PIK3C2G: variants seen among roughly 807,000 people sequenced by gnomAD.
PIK3C2G encodes phosphatidylinositol-4-phosphate 3-kinase catalytic subunit type 2 gamma, also known as phosphatidylinositol 3-kinase C2 domain-containing subunit gamma.
A neutral mutation model predicts 181.1 loss-of-function variants in PIK3C2G; 168 were observed. The ratio of observed to expected loss-of-function variants is 0.93; its 90% CI spans 0.82 to 1.05. The LOEUF (loss-of-function observed/expected upper bound fraction) is 1.05, where lower values mean the gene tolerates loss of function less well. Among genes scored for constraint, PIK3C2G ranks in the 50% least tolerant of loss-of-function variants. PIK3C2G has a pLI of 0.00. For missense variants in PIK3C2G, 1,869 were observed against 1,732.8 expected (o/e 1.08, Z -1.40); for synonymous variants, 573 against 592.2 (o/e 0.97, Z 0.47).
At chr12:18,696,386 AT>A in the PIK3C2G span, 2 of 226,662 alleles carry the variant, frequency 8.8e-6, no homozygotes, top group Non-Finnish European at 1.5e-5. Context: ...CAATTTTGAT[AT>A]GTATTGTCTT....
intron 32 of PIK3C2G, among the ~76,000 whole-genome samples, chr12:18,642,164 A>C (rs1949876411): frequency 6.6e-6 from 1 of 152,210 alleles, no homozygotes; most frequent in Non-Finnish European, 1.5e-5. Flanking sequence ...TTTGGGGTCG[A>C]AACTAAGAAA....
intron 22 of PIK3C2G, among the ~76,000 whole-genome samples, chr12:18,499,834 C>T (rs1404708061): frequency 6.6e-6 from 1 of 152,272 alleles, no homozygotes; most frequent in African/African-American, 2.4e-5. Context: ...CACAGACCCA[C>T]AGCACTGACA....
intron 1 of PIK3C2G, among the ~76,000 whole-genome samples, chr12:18,280,431 C>A (rs1362380318): frequency 1.3e-5 from 2 of 151,928 alleles, no homozygotes; most frequent in African/African-American, 4.8e-5. Flanking sequence ...TCAATTAAAT[C>A]CTGAATGATG....
intron 31 of PIK3C2G, among the ~76,000 whole-genome samples, chr12:18,630,535 A>G (rs1203442802): frequency 6.6e-6 from 1 of 152,042 alleles, no homozygotes; most frequent in Non-Finnish European, 1.5e-5. Flanking sequence ...GGGTTAGGGT[A>G]GTAGGGTAGT....
chr12:18,461,154 C>A (rs1947901273), intron 18 of PIK3C2G, among the ~76,000 whole-genome samples: 1 of 152,058 alleles, frequency 6.6e-6, no homozygotes, highest in Admixed American at 6.6e-5. Context: ...ATATACCTCA[C>A]TTTATTTAAA....
At position 18,363,036 on chromosome 12, in the gene PIK3C2G, A is replaced by G. The variant is rs188861471; in HGVS notation, c.1748+150A>G. On this transcript the variant is annotated intron_variant, in intron 12 of 32. Coordinates refer to ENST00000538779, the MANE Select transcript of PIK3C2G (RefSeq NM_001288772.2). Reference sequence around the variant, plus strand: ...ATGATAAGTACACTAGGGCTAATAGATAACTGATTGTTCAATTCAACAGAT... The same window carrying G: ...ATGATAAGTACACTAGGGCTAATAGGTAACTGATTGTTCAATTCAACAGAT... 2.3e-3 allele frequency: 1,233 copies of G among 536,864 alleles called. 3 individuals are homozygous for G. Among genetic ancestry groups the G allele is most frequent in the Non-Finnish European group, 3.2e-3 (998 of 316,444 alleles). The allele number at this position is 536,864 out of a possible 1,614,324, so 33.3% of individuals were successfully genotyped here.
intron 5 of PIK3C2G, among the ~76,000 whole-genome samples, chr12:18,309,752 T>C (rs539526548): frequency 1.3e-5 from 2 of 151,968 alleles, no homozygotes; most frequent in East Asian, 3.9e-4. Flanking sequence ...GACACTGATT[T>C]TTATTTCCTA....
At chr12:18,612,829 A>G (rs962313925) in intron 31 of PIK3C2G, among the ~76,000 whole-genome samples, 1 of 152,116 alleles carries the variant, frequency 6.6e-6, no homozygotes, top group Non-Finnish European at 1.5e-5. Context: ...GATGAAAAGT[A>G]TTGTTTATCT....
intron 18 of PIK3C2G, among the ~76,000 whole-genome samples, chr12:18,447,660 T>C (rs1280034097): frequency 1.3e-5 from 2 of 152,178 alleles, no homozygotes; most frequent in Non-Finnish European, 2.9e-5. Flanking sequence ...CCTGGATTTG[T>C]TAATTAAAAA....
chr12:18,373,993 A>G (rs557209432), intron 13 of PIK3C2G, among the ~76,000 whole-genome samples: 1 of 152,314 alleles, frequency 6.6e-6, no homozygotes, highest in African/African-American at 2.4e-5. Flanking sequence ...TCCTCACCTC[A>G]GCAATTTCCA....
At chr12:18,498,767 C>T (rs191094996) in intron 22 of PIK3C2G, among the ~76,000 whole-genome samples, 3 of 152,136 alleles carry the variant, frequency 2.0e-5, no homozygotes, top group African/African-American at 7.2e-5. Context: ...GCATTACAGT[C>T]GTACTAGCCA....
intron 18 of PIK3C2G, among the ~76,000 whole-genome samples, chr12:18,437,989 A>G (rs1946538698): frequency 1.3e-5 from 2 of 151,948 alleles, no homozygotes; most frequent in African/African-American, 4.8e-5. Context: ...TAACGCTTGC[A>G]GAGGAAATAG....
intron 12 of PIK3C2G, among the ~76,000 whole-genome samples, chr12:18,370,611 C>T (rs1241531273): frequency 6.6e-6 from 1 of 152,140 alleles, no homozygotes; most frequent in Non-Finnish European, 1.5e-5. Flanking sequence ...AGCTCTTAAG[C>T]ATTCTGGCAA....
chr12:18,314,385 T>C (rs896016723), intron 6 of PIK3C2G: 17 of 201,530 alleles, frequency 8.4e-5, no homozygotes, highest in Non-Finnish European at 1.4e-4. Context: ...TAGGTTTAGA[T>C]GAGGTCATAA....
chr12:18,458,840 C>A (rs1947765172), intron 18 of PIK3C2G, among the ~76,000 whole-genome samples: 1 of 149,752 alleles, frequency 6.7e-6, no homozygotes, highest in African/African-American at 2.5e-5. Flanking sequence ...TGGCCCCTGG[C>A]TGACAGCCAG....
the PIK3C2G span, among the ~76,000 whole-genome samples, chr12:18,661,255 T>C: frequency 6.6e-6 from 1 of 152,034 alleles, no homozygotes; most frequent in Non-Finnish European, 1.5e-5. Context: ...ACCCCAAATA[T>C]TTCCAAGTGT....
At chr12:18,525,932 T>G (rs1943202706) in intron 24 of PIK3C2G, among the ~76,000 whole-genome samples, 1 of 152,218 alleles carries the variant, frequency 6.6e-6, no homozygotes, top group Admixed American at 6.5e-5. Context: ...CTCTATAAGT[T>G]TTATCCCAAT....
At chr12:18,574,349 T>C (rs924396451) in intron 29 of PIK3C2G, among the ~76,000 whole-genome samples, 1 of 152,218 alleles carries the variant, frequency 6.6e-6, no homozygotes, top group Admixed American at 6.5e-5. Context: ...TGAGAACCCA[T>C]TTCTAATATT....
intron 24 of PIK3C2G, among the ~76,000 whole-genome samples, chr12:18,534,356 A>G (rs930810125): frequency 1.3e-5 from 2 of 152,090 alleles, no homozygotes; most frequent in Non-Finnish European, 2.9e-5. Context: ...TTAAACCACC[A>G]ACTCACTTCT....
Sources: allele counts gnomAD v4.1 joint callset (sites outside exome capture counted in the v4.1 genomes callset), GRCh38; gene constraint gnomAD v4.1.1; transcripts MANE v1.5; gene names NCBI Gene and HGNC (gene_info 2026-07-23, HGNC 2026-07-21).